Variants in TMEM232 observed in about 807,000 individuals in gnomAD.
TMEM232 encodes the protein transmembrane protein 232.
Under a neutral mutation model 78.8 loss-of-function variants are expected in TMEM232, and 80 were observed. That is an observed-to-expected ratio of 1.01 (90% CI 0.85 to 1.22). The LOEUF (loss-of-function observed/expected upper bound fraction) is 1.22, where lower values mean the gene tolerates loss of function less well. Ranked by LOEUF, TMEM232 falls within the 50% of genes most tolerant of loss-of-function variation. TMEM232 has a pLI of 0.00. For missense variants in TMEM232, 881 were observed against 742.2 expected, an observed-to-expected ratio of 1.19 and a Z score of -2.17; for synonymous variants, 297 against 254.3, an observed-to-expected ratio of 1.17 and a Z score of -1.60.
chr5:110,640,756 A>G, intron 4 of TMEM232, 135 bp downstream of exon 4: 1 of 460,212 alleles, frequency 2.2e-6, no homozygotes, highest in Non-Finnish European at 3.7e-6. Context: ...AATTTTCATA[A>G]TAAAATGTAT....
At chr5:110,620,344 C>G (rs1783474882) in intron 7 of TMEM232, among the ~76,000 whole-genome samples, 1 of 152,114 alleles carries the variant, frequency 6.6e-6, no homozygotes, top group Non-Finnish European at 1.5e-5. Context: ...ATAAACAAAG[C>G]CACTTGACAA....
At chr5:110,466,582 A>C (rs1248526670) in intron 12 of TMEM232, among the ~76,000 whole-genome samples, 1 of 150,912 alleles carries the variant, frequency 6.6e-6, no homozygotes, top group Non-Finnish European at 1.5e-5. Context: ...AAGTATATTT[A>C]GTTCTAGATT....
chr5:110,738,939 G>A (rs536654643), upstream of TMEM232: 3 of 1,429,350 alleles, frequency 2.1e-6, no homozygotes, highest in South Asian at 1.5e-5. Flanking sequence ...CCCTTTAATG[G>A]TTGCCGGAAG....
chr5:110,526,317 T>C (rs1477263797), intron 12 of TMEM232, among the ~76,000 whole-genome samples: 1 of 151,440 alleles, frequency 6.6e-6, no homozygotes, highest in East Asian at 1.9e-4. Flanking sequence ...GCTCTTACCA[T>C]AGACAGAGAG....
chr5:110,459,066 T>C (rs928856220), intron 12 of TMEM232, among the ~76,000 whole-genome samples: 1 of 152,210 alleles, frequency 6.6e-6, no homozygotes, highest in African/African-American at 2.4e-5. Flanking sequence ...GACCATTTGA[T>C]GGCATCTTCA....
rs557266890 is a variant in TMEM232 at position 110,436,795 on chromosome 5, A to C, written c.1704-11879T>G. Among the ~76,000 whole-genome samples, 30 of 151,690 alleles carry C rather than the reference A, an allele frequency of 2.0e-4. No homozygotes were observed. In the South Asian group the frequency reaches 6.2e-3, roughly 32 times the overall value. On this transcript the variant is annotated intron_variant, in intron 12 of 13. Transcript: ENST00000455884. ...ATGTGGATTTGTTTCTGGGCTCTCT[A>C]CTCTGTTCCATTGGTCTGTTTGTTT...
chr5:110,463,448 TCTC>T (rs1350832021), intron 12 of TMEM232, among the ~76,000 whole-genome samples: 1 of 152,214 alleles, frequency 6.6e-6, no homozygotes, highest in Non-Finnish European at 1.5e-5. Context: ...ATTGTGATAT[TCTC>T]TTTATTGCAG....
chr5:110,582,734 CGACATAATCTTATATGAAGAAAATCCTAA>C (rs555678785), intron 10 of TMEM232, among the ~76,000 whole-genome samples: 37 of 151,894 alleles, frequency 2.4e-4, no homozygotes, highest in Admixed American at 1.7e-3. Flanking sequence ...TGTTTGCAGA[CGACATAATCTTATATGAAGAAAATCCTAA>C]AGACCCCACA....
chr5:110,695,722 G>A (rs1404342353), intron 1 of TMEM232, among the ~76,000 whole-genome samples: 1 of 152,080 alleles, frequency 6.6e-6, no homozygotes, highest in Non-Finnish European at 1.5e-5. Context: ...TAAATTCCTC[G>A]ACACATACAC....
intron 11 of TMEM232, among the ~76,000 whole-genome samples, chr5:110,553,628 A>G (rs1468869000): frequency 6.6e-6 from 1 of 152,198 alleles, no homozygotes; most frequent in African/African-American, 2.4e-5. Context: ...CCTTGGAAAT[A>G]GACTATGGGG....
At chr5:110,616,190 A>T (rs4957596) in intron 8 of TMEM232, among the ~76,000 whole-genome samples, 4,626 of 152,160 alleles carry the variant, frequency 0.03, 261 homozygotes, top group East Asian at 0.24. Context: ...AAGCTATAGT[A>T]ATCAAAACAG....
At chr5:110,614,454 T>A (rs1439725018) in intron 8 of TMEM232, among the ~76,000 whole-genome samples, 1 of 152,072 alleles carries the variant, frequency 6.6e-6, no homozygotes, top group Non-Finnish European at 1.5e-5. Context: ...ACTAAGTATT[T>A]AAAAAAACTG....
At chr5:110,531,506 CCT>C (rs907845622) in intron 11 of TMEM232, among the ~76,000 whole-genome samples, 2 of 152,172 alleles carry the variant, frequency 1.3e-5, no homozygotes, top group Non-Finnish European at 2.9e-5. Context: ...TCTTCTCCAA[CCT>C]CTCTCACTAT....
At chr5:110,428,236 A>G (rs1272427303) in intron 12 of TMEM232, among the ~76,000 whole-genome samples, 1 of 151,816 alleles carries the variant, frequency 6.6e-6, no homozygotes, top group African/African-American at 2.4e-5. Context: ...GGATACTGTC[A>G]TTGAATTTAA....
At chr5:110,640,583 G>C (rs1329191580) in intron 4 of TMEM232, among the ~76,000 whole-genome samples, 2 of 152,152 alleles carry the variant, frequency 1.3e-5, no homozygotes, top group Admixed American at 1.3e-4. Flanking sequence ...CTAAAGTCTA[G>C]TGCCTATTGT....
chr5:110,464,961 T>A (rs1281377765), intron 12 of TMEM232, among the ~76,000 whole-genome samples: 1 of 152,188 alleles, frequency 6.6e-6, no homozygotes, highest in Non-Finnish European at 1.5e-5. Flanking sequence ...ATCATGGTAA[T>A]GCTTACACAG....
At chr5:110,431,353 C>CGTTAT (rs1561486293) in intron 12 of TMEM232, among the ~76,000 whole-genome samples, 1 of 151,274 alleles carries the variant, frequency 6.6e-6, no homozygotes, top group African/African-American at 2.4e-5. Flanking sequence ...TACACTCTGG[C>CGTTAT]GTTATGTTTG....
intron 5 of TMEM232, among the ~76,000 whole-genome samples, chr5:110,632,911 C>G (rs566564531): frequency 2.6e-4 from 39 of 152,098 alleles, no homozygotes; most frequent in African/African-American, 8.9e-4. Context: ...CCCCACAAAC[C>G]CAAAATACTT....
At chr5:110,652,292 G>GTGCACACACACA (rs1554069150) in intron 2 of TMEM232, among the ~76,000 whole-genome samples, 1 of 5,010 alleles carries the variant, frequency 2.0e-4, no homozygotes, top group Non-Finnish European at 6.1e-4. Flanking sequence ...GTGCACGCGC[G>GTGCACACACACA]CGCACACACA....
Sources: gnomAD v4.1 joint callset for allele counts (sites outside exome capture counted in the v4.1 genomes callset) on GRCh38, gnomAD v4.1.1 for gene constraint, MANE v1.5 for transcripts, NCBI Gene and HGNC (gene_info 2026-07-23, HGNC 2026-07-21) for gene names.